MRTFB: variants seen among roughly 807,000 people sequenced by gnomAD.
MRTFB encodes the protein myocardin-related transcription factor B.
In MRTFB, 29 loss-of-function variants were observed where a neutral mutation model predicts 104.2. That is an observed-to-expected ratio of 0.28 (90% CI 0.21 to 0.38). The LOEUF (loss-of-function observed/expected upper bound fraction) is 0.38, where lower values mean the gene tolerates loss of function less well. Among genes scored for constraint, MRTFB ranks in the 10% least tolerant of loss-of-function variants. MRTFB has a pLI of 1.00. For synonymous variants in MRTFB, 535 were observed against 519.5 expected (o/e 1.03, Z -0.41); for missense variants, 1,270 against 1,341.6 (o/e 0.95, Z 0.83).
At chr16:14,225,402 A>G (rs1157911884) in intron 8 of MRTFB, among the ~76,000 whole-genome samples, 1 of 151,586 alleles carries the variant, frequency 6.6e-6, no homozygotes, top group East Asian at 1.9e-4. Context: ...GCATTTTTTT[A>G]TGTGACTGAA....
At chr16:14,006,033 C>T in the MRTFB span, among the ~76,000 whole-genome samples, 1 of 151,002 alleles carries the variant, frequency 6.6e-6, no homozygotes, top group African/African-American at 2.4e-5. Context: ...CATGGTGAAA[C>T]CGCATCTCTG....
chr16:14,226,806 C>G (rs2151274070), intron 8 of MRTFB, among the ~76,000 whole-genome samples: 1 of 152,036 alleles, frequency 6.6e-6, no homozygotes, highest in East Asian at 1.9e-4. Context: ...GAGACCTCAT[C>G]TCTACAAAAA....
chr16:14,261,066 A>T lies in MRTFB; in HGVS notation c.2922A>T (p.Leu974Phe), dbSNP rs572930537. Residue 974 changes from leucine to phenylalanine, a missense_variant, in exon 17 of 17, where the codon TTA (leucine) becomes TTT (phenylalanine). Transcript: ENST00000571589. ...PPVSLEPMGSLSASLENQLEA... is the reference protein window; with the variant it reads ...PPVSLEPMGSFSASLENQLEA... ...TATCTTTAGAACCTATGGGCAGTTT[A>T]TCTGCCAGCTTAGAGAACCAACTAG... The T allele has an allele frequency of 1.7e-5, 27 of 1,614,214 alleles. No homozygotes were observed. Among genetic ancestry groups the T allele is most frequent in the South Asian group, 8.8e-5 (8 of 91,086 alleles).
intron 14 of MRTFB, 128 bp from the exon 15 acceptor site, chr16:14,252,237 C>T: frequency 7.0e-7 from 1 of 1,429,186 alleles, no homozygotes; most frequent in Admixed American, 2.2e-5. Flanking sequence ...CTCACAGGTG[C>T]TTAAAAGAAC....
At chr16:14,250,211 G>T (rs1418809172) in intron 13 of MRTFB, among the ~76,000 whole-genome samples, 5 of 152,072 alleles carry the variant, frequency 3.3e-5, no homozygotes, top group Non-Finnish European at 7.4e-5. Flanking sequence ...TTTCAAATAG[G>T]AGTATATTTA....
chr16:14,079,258 A>G (rs1002975030), intron 1 of MRTFB, 32 bp from the exon 2 acceptor site: 3 of 344,438 alleles, frequency 8.7e-6, no homozygotes, highest in Admixed American at 9.8e-5. Flanking sequence ...TAGGTGCTCA[A>G]TAAAAAGTAA....
At chr16:14,019,554 C>T in the MRTFB span, 1 of 152,236 alleles carries the variant, frequency 6.6e-6, no homozygotes, top group South Asian at 2.1e-4. Context: ...CAATAATTTT[C>T]TACAGATTAA....
Position 14,251,873 on chromosome 16 carries a change from C to T in MRTFB, c.2415C>T (p.Asn805=), listed in dbSNP as rs142841725. The change falls in exon 14 of 17, where the codon AAC becomes AAT. Residue 805 remains asparagine, a synonymous_variant. Coordinates refer to ENST00000571589, the MANE Select transcript of MRTFB (RefSeq NM_001308142.2). ...QPQQVRKVFT[N]SASSNTVLPY... ...TTTATTCATTACAGGTTTTCACAAA[C>T]TCAGCATCATCAAATACAGTTCTTC... 3 of 1,613,940 alleles carry T rather than the reference C, an allele frequency of 1.9e-6. No homozygotes were observed. Among genetic ancestry groups the T allele is most frequent in the South Asian group, 1.1e-5 (1 of 91,072 alleles).
At chr16:14,054,815 A>G in the MRTFB span, among the ~76,000 whole-genome samples, 4 of 152,178 alleles carry the variant, frequency 2.6e-5, no homozygotes, top group Admixed American at 1.3e-4. Context: ...GAAGGGCCTT[A>G]CTTCTTATAC....
chr16:14,239,945 T>C lies in MRTFB; in HGVS notation c.832-292T>C, dbSNP rs367593062. 6.4e-4 allele frequency among the ~76,000 whole-genome samples: 97 copies of C among 152,350 alleles called. 2 individuals are homozygous for C. The South Asian group carries it at 0.018, about 29-fold the overall frequency. ...GATTGTATGTGTAAGCACTTGGTAG[T>C]GTGTTCACACGGGAGACCCAAGGTC... On this transcript the variant is annotated intron_variant, in intron 9 of 16. Transcript: ENST00000571589.
intron 3 of MRTFB, among the ~76,000 whole-genome samples, chr16:14,162,989 C>T (rs2039098512): frequency 6.6e-6 from 1 of 152,012 alleles, no homozygotes; most frequent in Non-Finnish European, 1.5e-5. Context: ...ATCTTTTTGT[C>T]CTATAATGAA....
At chr16:14,235,709 A>C (rs924050032) in intron 9 of MRTFB, among the ~76,000 whole-genome samples, 1 of 152,212 alleles carries the variant, frequency 6.6e-6, no homozygotes, top group Non-Finnish European at 1.5e-5. Context: ...AGGTAGTAGC[A>C]GATTCCATCT....
intron 6 of MRTFB, among the ~76,000 whole-genome samples, chr16:14,214,254 A>G (rs1425429926): frequency 6.6e-6 from 1 of 152,130 alleles, no homozygotes; most frequent in Non-Finnish European, 1.5e-5. Context: ...TCAACTCCCA[A>G]GTTACATTTT....
chr16:14,036,296 T>TTATATATATATATA, the MRTFB span, among the ~76,000 whole-genome samples: 332 of 98,284 alleles, frequency 3.4e-3, 4 homozygotes, highest in South Asian at 7.8e-3. Context: ...TTATATATAT[T>TTATATATATATATA]TATATATATA....
intron 15 of MRTFB, among the ~76,000 whole-genome samples, chr16:14,253,424 C>T (rs964334814): frequency 3.3e-4 from 50 of 152,304 alleles, no homozygotes; most frequent in African/African-American, 1.1e-3. Flanking sequence ...TACCAGTTCT[C>T]CCGCTCCCGT....
intron 15 of MRTFB, among the ~76,000 whole-genome samples, chr16:14,255,114 G>A (rs753702567): frequency 1.3e-5 from 2 of 152,178 alleles, no homozygotes; most frequent in Admixed American, 6.5e-5. Flanking sequence ...TATCCAATCT[G>A]AATAACAGAG....
chr16:14,240,706 CAAGTTAGA>C (rs1567206331), intron 10 of MRTFB: 1 of 846,216 alleles, frequency 1.2e-6, no homozygotes, highest in Non-Finnish European at 2.0e-6. Flanking sequence ...TGAATTTTTA[CAAGTTAGA>C]AATGCCTTTT....
chr16:14,217,413 C>A, intron 7 of MRTFB, 126 bp downstream of exon 7: 1 of 777,068 alleles, frequency 1.3e-6, no homozygotes, highest in Non-Finnish European at 2.0e-6. Context: ...TAGAAATTAA[C>A]ACAGTGATTT....
chr16:14,026,455 G>C, the MRTFB span, among the ~76,000 whole-genome samples: 1 of 152,148 alleles, frequency 6.6e-6, no homozygotes, highest in South Asian at 2.1e-4. Context: ...TTTGCAAGAA[G>C]ATATATGGGG....
Sources: gnomAD v4.1 joint callset for allele counts (sites outside exome capture counted in the v4.1 genomes callset) on GRCh38, gnomAD v4.1.1 for gene constraint, MANE v1.5 for transcripts, NCBI Gene and HGNC (gene_info 2026-07-23, HGNC 2026-07-21) for gene names.